The following SLC26A1 variants were observed in gnomAD, a reference collection of about 807,000 sequenced individuals.
SLC26A1 encodes the protein solute carrier family 26 member 1.
SLC26A1 carries 18 observed loss-of-function variants against 14.5 expected under a neutral mutation model. The observed-to-expected ratio is 1.24, with a 90% confidence interval of 0.86 to 1.84. The LOEUF (loss-of-function observed/expected upper bound fraction) is 1.84. SLC26A1 is among the 40% of genes most tolerant of loss of function. The pLI is 0.00. For missense variants in SLC26A1, 1,049 were observed against 1,020.0 expected, an observed-to-expected ratio of 1.03 and a Z score of -0.39; for synonymous variants, 505 against 492.0, an observed-to-expected ratio of 1.03 and a Z score of -0.35.
rs1302423004 is a variant in SLC26A1, at chr4:989,640, C to G, written c.1299G>C (p.Leu433=). 1 of 1,593,140 alleles carries G rather than the reference C, an allele frequency of 6.3e-7. No individual in the cohort carries two copies. The highest frequency in any genetic ancestry group is 1.3e-5 in the African/African-American group (1 of 74,856). The change falls in exon 3 of 3, where the codon CTG becomes CTC. Residue 433 remains leucine, a synonymous_variant. Transcript: ENST00000398516. ...GCACGCTTCGCTGTAGGTCGTGGAA[C>G]AGCGGTGCCAGCGCCAGCAGCACCA... The part of the protein sequence containing the change: ...VLLVLLALAP[L]FHDLQRSVLA...
chr4:992,125 C>A, intron 1 of SLC26A1: 1 of 489,016 alleles, frequency 2.0e-6, no homozygotes, highest in Admixed American at 2.3e-5. Flanking sequence ...ACAGGCTGGG[C>A]TGCCACCACG....
intron 1 of SLC26A1, 32 bp from the exon 2 acceptor site, chr4:991,762 G>C: frequency 1.3e-6 from 2 of 1,529,212 alleles, no homozygotes; most frequent in African/African-American, 2.7e-5. Flanking sequence ...GGTCACAGGA[G>C]CCCCCGGATC....
Position 988,993 on chromosome 4 carries a change from C to T in SLC26A1, c.1946G>A (p.Cys649Tyr), listed in dbSNP as rs1161354804. The T allele has an allele frequency of 1.3e-6, 2 of 1,592,792 alleles. No homozygotes were observed. Among genetic ancestry groups the T allele is most frequent in the Non-Finnish European group, 1.7e-6 (2 of 1,170,268 alleles). The change falls in exon 3 of 3, where the codon TGC becomes TAC. Residue 649 changes from cysteine (C) to tyrosine (Y), a missense_variant. Physicochemically the swap from Cys to Tyr is radical, Grantham distance 194. Transcript: ENST00000398516. ...CAGAATGTCTCTCACAGGCGGGCTG[C>T]AGCAGGCTAGCAGCAGGCTGATGCC... ...ALGISLLLAC[C>Y]SPPVRDILSR... is the part of the protein sequence containing the mutation.
At chr4:979,585 G>A (rs996758141) in intron 2 of SLC26A1, 1 of 1,557,652 alleles carries the variant, frequency 6.4e-7, no homozygotes, top group Non-Finnish European at 8.8e-7. Context: ...CCCCTGCCGG[G>A]CCCCAAAGTG....
rs749648306 is a variant in SLC26A1 at position 989,568 on chromosome 4, C to T, written c.1371G>A (p.Val457=). The change falls in exon 3 of 3, where the codon GTG becomes GTA. Residue 457 remains valine (V), a synonymous_variant. Transcript: ENST00000398516. ...TCCGCCACAGCCGCGGGAGGTCCCA[C>T]ACCTTGCGCAGGGCCCCCCGCAGGC... ...VVSLRGALRK[V]WDLPRLWRMS... 3.1e-6 allele frequency: 5 copies of T among 1,591,066 alleles called. No homozygotes were observed. Among genetic ancestry groups the T allele is most frequent in the Admixed American group, 1.8e-5 (1 of 56,868 alleles).
At position 988,010 on chromosome 4, in the gene SLC26A1, G is replaced by A. The variant is rs551143240; in HGVS notation, c.*823C>T. 2.8e-4 allele frequency: 428 copies of A among 1,518,400 alleles called. 3 individuals carry two copies. The highest frequency in any genetic ancestry group is 1.3e-3 in the South Asian group (108 of 81,220). 94.1% of individuals were successfully genotyped at this position (1,518,400 alleles called of 1,614,324 possible). A position where few individuals can be genotyped will look rare whatever the true frequency, so the allele number is the denominator to read the frequency against. On this transcript the variant is annotated 3_prime_UTR_variant, in exon 3 of 3. Transcript: ENST00000398516. The stretch of plus-strand genomic sequence containing the variant: ...CCTTACAGAGGCACAGATGGGAGGG[G>A]AGGGCTGGGGGCTGCTCGGAAGACC...
chr4:983,636 C>A (rs1390199370), downstream of SLC26A1, among the ~76,000 whole-genome samples: 2 of 152,194 alleles, frequency 1.3e-5, no homozygotes, highest in Non-Finnish European at 2.9e-5. Context: ...TCCCCTGCGC[C>A]TTTAGGTCTT....
downstream of SLC26A1, among the ~76,000 whole-genome samples, chr4:984,650 G>A (rs1013037434): frequency 5.9e-5 from 9 of 152,142 alleles, no homozygotes; most frequent in South Asian, 8.3e-4. Context: ...GGCCAGGATG[G>A]TAAAACGCTG....
rs1291498398 is a variant in SLC26A1, at chr4:989,990, A to G, written c.949T>C (p.Ser317Pro). ...GTGGGGATGTCGCCAGCCACGCTCG[A>G]GCCAAAGCGCTTGTGGAGCTGCCCG... ...HFGQLHKRFGSSVAGDIPTGF... is the reference protein window; with the variant it reads ...HFGQLHKRFGPSVAGDIPTGF... Residue 317 changes from serine to proline, a missense_variant, in exon 3 of 3, where the codon TCG becomes CCG. Transcript: ENST00000398516. 2 of 1,563,668 alleles carry G rather than the reference A, an allele frequency of 1.3e-6. No homozygotes were observed. The highest frequency in any genetic ancestry group is 2.3e-5 in the South Asian group (2 of 85,196).
At chr4:983,739 C>A (rs1199211992), downstream of SLC26A1, among the ~76,000 whole-genome samples, 5 of 152,222 alleles carry the variant, frequency 3.3e-5, no homozygotes, top group Non-Finnish European at 7.3e-5. Context: ...GAGGTTTTCC[C>A]TTCCCCCCGC....
In SLC26A1 at chr4:989,210, C is replaced by T. The variant is rs761446958; in HGVS notation, c.1729G>A (p.Gly577Ser). The T allele has an allele frequency of 3.7e-6, 6 of 1,609,570 alleles. No homozygotes were observed. The highest frequency in any genetic ancestry group is 4.2e-6 in the Non-Finnish European group (5 of 1,177,868). ...CCCTCACCGACCCCCGTCTCTGAGC[C>T]CCCCTCCTTCCTCCTGGCAGCCATG... is the stretch of plus-strand genomic sequence containing the variant. ...GCMAARRKEG[G>S]SETGVGEGGP... The change falls in exon 3 of 3, where the codon GGC becomes AGC. Residue 577 changes from glycine (G) to serine (S), a missense_variant. Gly to Ser is a moderately conservative substitution (Grantham distance 56). Transcript: ENST00000398516.
chr4:991,621 C>T lies in SLC26A1; in HGVS notation c.83G>A (p.Arg28His), dbSNP rs749486405. The T allele has an allele frequency of 3.5e-5, 56 of 1,585,538 alleles. No individual in the cohort carries two copies. The East Asian group carries it at 8.0e-4, about 23-fold the overall frequency. Residue 28 changes from arginine (R) to histidine (H), a missense_variant, in exon 2 of 3, where the codon CGT becomes CAT. By Grantham distance (29) the Arg-to-His change is conservative. Transcript: ENST00000398516. Reference sequence around the variant, plus strand: ...CCACAGCCTGGCCTTCAGCATCTCACGCAGACCCCGGGGTGCTGGGCGCTG... The same window carrying T: ...CCACAGCCTGGCCTTCAGCATCTCATGCAGACCCCGGGGTGCTGGGCGCTG... ...RRQRPAPRGLREMLKARLWCS... is the reference protein window; with the variant it reads ...RRQRPAPRGLHEMLKARLWCS...
intron 2 of SLC26A1, among the ~76,000 whole-genome samples, chr4:980,586 CA>C (rs57819047): frequency 0.022 from 1,102 of 50,918 alleles, 9 homozygotes; most frequent in African/African-American, 0.062. Context: ...AACTCCATCT[CA>C]AAAAAAAAAA....
At position 988,648 on chromosome 4, in the gene SLC26A1, G is replaced by T; in HGVS notation, c.*185C>A. 1 of 1,398,594 alleles carries T rather than the reference G, an allele frequency of 7.2e-7. No individual in the cohort carries two copies. Among genetic ancestry groups the T allele is most frequent in the Non-Finnish European group, 9.2e-7 (1 of 1,082,296 alleles). 86.6% of individuals were successfully genotyped at this position (1,398,594 alleles called of 1,614,324 possible). On this transcript the variant is annotated 3_prime_UTR_variant, in exon 3 of 3. Coordinates refer to ENST00000398516, the MANE Select transcript of SLC26A1 (RefSeq NM_022042.4). ...GAGGTTCTTGATTTCTGAGTGTTTGGGTCCTGCGTGTGATCAGAGGGCCTC... is the reference window on the plus strand; with the variant it reads ...GAGGTTCTTGATTTCTGAGTGTTTGTGTCCTGCGTGTGATCAGAGGGCCTC...
At chr4:984,153 AT>A (rs1560529948), downstream of SLC26A1, among the ~76,000 whole-genome samples, 1 of 152,242 alleles carries the variant, frequency 6.6e-6, no homozygotes, top group Non-Finnish European at 1.5e-5. Flanking sequence ...TGTTAAACCA[AT>A]TCGTTATCAG....
rs140786548 is a variant in SLC26A1 at position 981,323 on chromosome 4, A to G, written c.577-1819T>C. ...TCGTTTCCAAATTTTACGTCCAAAT[A>G]AAAACCAGCCAGGCGTGGTGGCTCA... On this transcript the variant is annotated intron_variant, in intron 2 of 2. Transcript: ENST00000398520. Among the ~76,000 whole-genome samples the G allele has an allele frequency of 2.0e-3, 303 of 152,326 alleles. 2 individuals carry two copies. The highest frequency in any genetic ancestry group is 0.01 in the Middle Eastern group (3 of 294).
Position 991,270 on chromosome 4 carries a change from C to T in SLC26A1, c.434G>A (p.Gly145Asp), listed in dbSNP as rs764183197. 2 of 1,612,628 alleles carry T rather than the reference C, an allele frequency of 1.2e-6. No individual in the cohort carries two copies. The highest frequency in any genetic ancestry group is 1.1e-5 in the South Asian group (1 of 91,070). Residue 145 changes from glycine (G) to aspartate (D), a missense_variant, in exon 2 of 3, where the codon GGC (glycine) becomes GAC (aspartate). Coordinates refer to ENST00000398516, the MANE Select transcript of SLC26A1 (RefSeq NM_022042.4). The part of the protein sequence containing the change: ...QVVDRELQLA[G>D]FDPSQDGLQP... ...CAGGCCGTCCTGGGAGGGGTCAAAGCCGGCCAGCTGGAGCTCCCGGTCCAC... is the reference window on the plus strand; with the variant it reads ...CAGGCCGTCCTGGGAGGGGTCAAAGTCGGCCAGCTGGAGCTCCCGGTCCAC...
chr4:979,278 G>A (rs577731800), exon 3 of SLC26A1: 2 of 644,608 alleles, frequency 3.1e-6, no homozygotes, highest in Non-Finnish European at 5.6e-6. Flanking sequence ...AGGTTGAGGG[G>A]CTGCCTTTTT....
At chr4:987,539 C>T (rs937701975), downstream of SLC26A1, 18 of 1,088,942 alleles carry the variant, frequency 1.7e-5, no homozygotes, top group African/African-American at 2.4e-4. Flanking sequence ...CTGCCTGTCC[C>T]ATTCCTTCCA....
Sources: gnomAD v4.1 joint callset for allele counts (sites outside exome capture counted in the v4.1 genomes callset) on GRCh38, gnomAD v4.1.1 for gene constraint, MANE v1.5 for transcripts, NCBI Gene and HGNC (gene_info 2026-07-23, HGNC 2026-07-21) for gene names.